Variants in PIAS2 observed in about 807,000 individuals in gnomAD.
The protein encoded by PIAS2 is E3 SUMO-protein ligase PIAS2.
In PIAS2, 19 loss-of-function variants were observed where a neutral mutation model predicts 69.7. That is an observed-to-expected ratio of 0.27 (90% confidence interval 0.19 to 0.40). The LOEUF (loss-of-function observed/expected upper bound fraction) is 0.40, where lower values mean the gene tolerates loss of function less well. PIAS2 is among the 10% of genes least tolerant of loss of function. The pLI is 1.00. For missense variants in PIAS2, 624 were observed against 757.0 expected (o/e 0.82, Z 2.06); for synonymous variants, 261 against 263.2 (o/e 0.99, Z 0.08).
At chr18:46,894,424 C>T (rs1390783366) in intron 1 of PIAS2, among the ~76,000 whole-genome samples, 1 of 152,136 alleles carries the variant, frequency 6.6e-6, no homozygotes, top group Non-Finnish European at 1.5e-5. Context: ...TCTCCACCAA[C>T]CTCTGATGTT....
chr18:46,815,390 G>T lies in PIAS2; in HGVS notation c.1649-41C>A. ...TTTGTTAATAGTTGTCTCATATTTT[G>T]GGAGACCAGAATTATTTCCCTAAAT... On this transcript the variant is annotated intron_variant, in intron 12 of 13. Transcript: ENST00000585916. The T allele has an allele frequency of 1.9e-6, 3 of 1,606,748 alleles. No individual in the cohort carries two copies. In the South Asian group the frequency reaches 3.3e-5, roughly 18 times the overall value.
chr18:46,810,367 T>G lies in PIAS2; in HGVS notation c.*2066A>C, dbSNP rs944199654. Reference sequence around the variant, plus strand: ...CAAAATAACAAATATACATCATTTCTTTATAAGTCATACCACACAAACCAA... The same window carrying G: ...CAAAATAACAAATATACATCATTTCGTTATAAGTCATACCACACAAACCAA... On this transcript the variant is annotated 3_prime_UTR_variant, in exon 14 of 14. Transcript: ENST00000585916. The G allele has an allele frequency of 1.3e-5, 2 of 152,168 alleles. No homozygotes were observed. The highest frequency in any genetic ancestry group is 2.9e-5 in the Non-Finnish European group (2 of 68,026). The allele number at this position is 152,168 out of a possible 1,614,324, so 9.4% of individuals were successfully genotyped here. A position where few individuals can be genotyped will look rare whatever the true frequency, so the allele number is the denominator to read the frequency against.
At chr18:46,829,613 T>TA (rs1568400200) in intron 10 of PIAS2, 121 bp downstream of exon 10, 4 of 818,502 alleles carry the variant, frequency 4.9e-6, no homozygotes, top group Non-Finnish European at 7.8e-6. Context: ...GGGAAAACTA[T>TA]ATATCATCAA....
At chr18:46,917,614 G>T (rs1320555476), upstream of PIAS2, 3 of 967,686 alleles carry the variant, frequency 3.1e-6, no homozygotes, top group East Asian at 1.0e-4. Flanking sequence ...TCCGCGCGGC[G>T]ACAGCGCCCG....
intron 11 of PIAS2, among the ~76,000 whole-genome samples, chr18:46,825,200 G>A (rs949488572): frequency 6.6e-6 from 1 of 151,974 alleles, no homozygotes; most frequent in South Asian, 2.1e-4. Context: ...GATATGAAAA[G>A]GACAACCAAG....
intron 1 of PIAS2, among the ~76,000 whole-genome samples, chr18:46,894,329 G>A (rs2146044065): frequency 6.6e-6 from 1 of 152,256 alleles, no homozygotes; most frequent in Admixed American, 6.5e-5. Flanking sequence ...AGTGGGTGTG[G>A]TGAGTAGAGA....
At chr18:46,818,428 A>T in intron 12 of PIAS2, 1 of 1,580,052 alleles carries the variant, frequency 6.3e-7, no homozygotes, top group Non-Finnish European at 8.6e-7. Flanking sequence ...CATTATTAAT[A>T]TCATTTCTTC....
upstream of PIAS2, among the ~76,000 whole-genome samples, chr18:46,918,368 T>C (rs1024882398): frequency 1.3e-5 from 2 of 152,146 alleles, no homozygotes; most frequent in African/African-American, 2.4e-5. Context: ...TTAATCAGCC[T>C]CCTACCTACC....
At chr18:46,917,618 G>GCGCC (rs926247713), upstream of PIAS2, 2 of 920,984 alleles carry the variant, frequency 2.2e-6, no homozygotes, top group African/African-American at 3.6e-5. Context: ...CGCGGCGACA[G>GCGCC]CGCCCGCCCG....
chr18:46,815,729 TCA>T lies in PIAS2; in HGVS notation c.1649-382_1649-381del, dbSNP rs1485565834. 6 of 1,002,468 alleles carry T rather than the reference TCA, an allele frequency of 6.0e-6. No individual in the cohort carries two copies. The African/African-American group carries it at 8.7e-5, about 15-fold the overall frequency. 62.1% of individuals were successfully genotyped at this position (1,002,468 alleles called of 1,614,324 possible). Reference sequence around the variant, plus strand: ...AACATACTTAAGCTCTTAAGATATTTCACATTTATTTTTCAGAAATACAGAGG... The same window carrying T: ...AACATACTTAAGCTCTTAAGATATTTCATTTATTTTTCAGAAATACAGAGG... On this transcript the variant is annotated intron_variant, in intron 12 of 13. Transcript: ENST00000585916.
intron 2 of PIAS2, among the ~76,000 whole-genome samples, chr18:46,879,693 A>G (rs7234570): frequency 0.53 from 80,161 of 151,948 alleles, 21,388 homozygotes; most frequent in African/African-American, 0.56. Flanking sequence ...ATAAAACACC[A>G]TGTATACATA....
intron 1 of PIAS2, among the ~76,000 whole-genome samples, chr18:46,908,565 C>CA (rs879691003): frequency 1.1e-4 from 17 of 151,364 alleles, no homozygotes; most frequent in Non-Finnish European, 2.1e-4. Context: ...AAACAAAAAA[C>CA]AAAAAAACTA....
intron 3 of PIAS2, among the ~76,000 whole-genome samples, chr18:46,862,648 C>CATATATACACATATAT (rs530303795): frequency 3.4e-4 from 52 of 151,780 alleles, no homozygotes; most frequent in Non-Finnish European, 6.2e-4. Flanking sequence ...TATATATACA[C>CATATATACACATATAT]ATATATACAC....
chr18:46,851,808 T>C (rs1254604313), intron 5 of PIAS2, among the ~76,000 whole-genome samples: 2 of 152,198 alleles, frequency 1.3e-5, no homozygotes, highest in Non-Finnish European at 2.9e-5. Flanking sequence ...AGTATAGTGG[T>C]CAACTGCCAT....
At chr18:46,911,946 G>C (rs1017338276) in intron 1 of PIAS2, among the ~76,000 whole-genome samples, 1 of 152,160 alleles carries the variant, frequency 6.6e-6, no homozygotes, top group African/African-American at 2.4e-5. Flanking sequence ...AGCTAATCGC[G>C]AGGCTGAGGC....
At chr18:46,886,840 C>T (rs981107054) in intron 2 of PIAS2, among the ~76,000 whole-genome samples, 6 of 151,428 alleles carry the variant, frequency 4.0e-5, no homozygotes, top group Admixed American at 1.3e-4. Context: ...TCTGTCCCCC[C>T]CCTCCAAAAA....
intron 6 of PIAS2, among the ~76,000 whole-genome samples, chr18:46,845,229 G>T (rs1235823965): frequency 6.6e-6 from 1 of 152,108 alleles, no homozygotes; most frequent in East Asian, 1.9e-4. Context: ...ATGTAATGAG[G>T]TTCTCATATT....
chr18:46,912,796 TG>T (rs1282930349), intron 1 of PIAS2, among the ~76,000 whole-genome samples: 9 of 151,240 alleles, frequency 6.0e-5, no homozygotes, highest in African/African-American at 2.2e-4. Context: ...ATAATGGGAG[TG>T]GGATTTAATG....
intron 1 of PIAS2, among the ~76,000 whole-genome samples, chr18:46,909,518 G>T (rs2057016109): frequency 6.6e-6 from 1 of 152,190 alleles, no homozygotes; most frequent in Non-Finnish European, 1.5e-5. Context: ...AAAGTGCTAG[G>T]ATTACAGGCG....
Sources: gnomAD v4.1 joint callset for allele counts (sites outside exome capture counted in the v4.1 genomes callset) on GRCh38, gnomAD v4.1.1 for gene constraint, MANE v1.5 for transcripts, NCBI Gene and HGNC (gene_info 2026-07-23, HGNC 2026-07-21) for gene names.